Variants in SLC16A2 observed in about 807,000 individuals in gnomAD.
SLC16A2 encodes the protein solute carrier family 16 member 2.
In SLC16A2, 3 loss-of-function variants were observed where a neutral mutation model predicts 27.2. The observed-to-expected ratio is 0.11, with a 90% confidence interval of 0.05 to 0.28. The LOEUF (loss-of-function observed/expected upper bound fraction) is 0.28, where lower values mean the gene tolerates loss of function less well. SLC16A2 is among the 10% of genes least tolerant of loss of function. SLC16A2 has a pLI of 1.00. For missense variants in SLC16A2, 295 were observed against 458.5 expected, an observed-to-expected ratio of 0.64 and a Z score of 3.26; for synonymous variants, 202 against 187.8, an observed-to-expected ratio of 1.08 and a Z score of -0.62.
chrX:74,459,936 T>C lies in SLC16A2; in HGVS notation c.430+37869T>C, dbSNP rs1234898515. On this transcript the variant is annotated intron_variant, in intron 1 of 5. Transcript: ENST00000587091. ...CCATAACAGAACAAGTACTGGGATG[T>C]CAGGGCCGTGGAAGGAAAGAGCCAA... Among the ~76,000 whole-genome samples, 4 of 111,481 alleles carry C rather than the reference T, an allele frequency of 3.6e-5. No individual in the cohort carries two copies. The East Asian group carries it at 1.1e-3, about 32-fold the overall frequency.
chrX:74,489,549 A>T (rs1170457253), intron 1 of SLC16A2, among the ~76,000 whole-genome samples: 2 of 112,207 alleles, frequency 1.8e-5, no homozygotes, highest in African/African-American at 6.5e-5. Context: ...GAACTTCAAA[A>T]AGCATTTGAC....
chrX:74,444,949 C>A (rs1286489313), intron 1 of SLC16A2, among the ~76,000 whole-genome samples: 1 of 112,010 alleles, frequency 8.9e-6, no homozygotes, highest in African/African-American at 3.2e-5. Flanking sequence ...TTTCCTCTTC[C>A]ATGGACAAAT....
intron 2 of SLC16A2, among the ~76,000 whole-genome samples, chrX:74,523,363 G>C (rs1046662859): frequency 4.4e-5 from 5 of 112,659 alleles, no homozygotes; most frequent in African/African-American, 1.6e-4. Context: ...TATCTCCAGA[G>C]AAGAACTGCC....
rs764860359 is a variant in SLC16A2, at chrX:74,422,150, G to A, written c.430+83G>A. 47 of 979,597 alleles carry A rather than the reference G, an allele frequency of 4.8e-5. No individual in the cohort carries two copies. The African/African-American group carries it at 7.9e-4, about 17-fold the overall frequency. 80.7% of individuals were successfully genotyped at this position (979,597 alleles called of 1,213,427 possible). ...CCACCGACCCCATACCTCCCGGTCC[G>A]AGGCGCCCCTCCAACGCGCCTCTCC... is the stretch of plus-strand genomic sequence containing the variant. On this transcript the variant is annotated intron_variant, in intron 1 of 5. Transcript: ENST00000587091.
chrX:74,493,776 GTGCGTGC>G (rs1225267719), intron 1 of SLC16A2, among the ~76,000 whole-genome samples: 4 of 111,471 alleles, frequency 3.6e-5, no homozygotes, highest in Non-Finnish European at 7.5e-5. Context: ...GGAGGTGCAG[GTGCGTGC>G]ATTCCCTCTC....
At chrX:74,441,932 G>C (rs765449531) in intron 1 of SLC16A2, among the ~76,000 whole-genome samples, 2 of 110,894 alleles carry the variant, frequency 1.8e-5, no homozygotes, top group Non-Finnish European at 3.8e-5. Flanking sequence ...ACTGGCTGTT[G>C]AAATGGGAAT....
At chrX:74,422,265 C>T (rs1158194808) in intron 1 of SLC16A2, among the ~76,000 whole-genome samples, 198 bp downstream of exon 1, 1 of 111,905 alleles carries the variant, frequency 8.9e-6, no homozygotes, top group Admixed American at 9.4e-5. Context: ...GCAGCTTGGA[C>T]TGGGGAGACT....
At chrX:74,531,312 T>G (rs763531157) in intron 5 of SLC16A2, 21 bp from the exon 6 acceptor site, 1 of 1,192,403 alleles carries the variant, frequency 8.4e-7, no homozygotes, top group Non-Finnish European at 1.1e-6. Flanking sequence ...GAGCTTGACT[T>G]GTCTCTCTTG....
intron 1 of SLC16A2, among the ~76,000 whole-genome samples, chrX:74,479,963 C>T (rs1474670849): frequency 8.9e-6 from 1 of 112,236 alleles, no homozygotes; most frequent in Non-Finnish European, 1.9e-5. Context: ...TCTGTCCATT[C>T]TCAGATCTCA....
chrX:74,470,800 T>A (rs1929341381), intron 1 of SLC16A2, among the ~76,000 whole-genome samples: 1 of 110,329 alleles, frequency 9.1e-6, no homozygotes, highest in South Asian at 3.9e-4. Flanking sequence ...TAGCCGGGTG[T>A]GGTGGCGGCT....
intron 1 of SLC16A2, among the ~76,000 whole-genome samples, chrX:74,518,687 T>C (rs1930356953): frequency 8.9e-6 from 1 of 112,368 alleles, no homozygotes; most frequent in South Asian, 3.7e-4. Context: ...ATTAGTGATG[T>C]TGAGCATCTT....
intron 1 of SLC16A2, among the ~76,000 whole-genome samples, chrX:74,498,590 A>T (rs1371651751): frequency 9.0e-6 from 1 of 111,709 alleles, no homozygotes; most frequent in Admixed American, 9.5e-5. Context: ...TGCATGGCTG[A>T]CCTTGTGTTA....
chrX:74,457,846 G>A (rs1471311530), intron 1 of SLC16A2, among the ~76,000 whole-genome samples: 1 of 111,360 alleles, frequency 9.0e-6, no homozygotes, highest in Non-Finnish European at 1.9e-5. Context: ...AGAGAGAAGG[G>A]AGGCACTGGG....
chrX:74,428,566 CCCAACTCCTG>C (rs1372237808), intron 1 of SLC16A2, among the ~76,000 whole-genome samples: 1 of 110,959 alleles, frequency 9.0e-6, no homozygotes, highest in Non-Finnish European at 1.9e-5. Context: ...GTTGTATAGG[CCCAACTCCTG>C]CCAGAGTCAC....
intron 1 of SLC16A2, among the ~76,000 whole-genome samples, chrX:74,507,466 A>G (rs1930156107): frequency 8.9e-6 from 1 of 112,052 alleles, no homozygotes; most frequent in Admixed American, 9.5e-5. Context: ...CAGTTTGCAG[A>G]TTTCTCAAAG....
chrX:74,448,467 T>A (rs1928879555), intron 1 of SLC16A2, among the ~76,000 whole-genome samples: 1 of 110,279 alleles, frequency 9.1e-6, no homozygotes, highest in Non-Finnish European at 1.9e-5. Context: ...TCTCACCCTT[T>A]CTGATCAATT....
In SLC16A2 at chrX:74,462,434, C is replaced by T. The variant is rs56715060; in HGVS notation, c.430+40367C>T. 2.0e-3 allele frequency among the ~76,000 whole-genome samples: 225 copies of T among 111,905 alleles called. 2 individuals carry two copies. The East Asian group carries it at 0.047, about 23-fold the overall frequency. ...TCCTGGATTCAAATGATTCTCCTGC[C>T]TCAGCCTCCCGAGTAGCTGGGATTA... On this transcript the variant is annotated intron_variant, in intron 1 of 5. Coordinates refer to ENST00000587091, the MANE Select transcript of SLC16A2 (RefSeq NM_006517.5).
Position 74,497,542 on chromosome X carries a change from C to T in SLC16A2, c.431-23448C>T, listed in dbSNP as rs1339359879. 6.4e-5 allele frequency among the ~76,000 whole-genome samples: 7 copies of T among 108,688 alleles called. 1 individual carries two copies. Among genetic ancestry groups the T allele is most frequent in the Non-Finnish European group, 1.1e-4 (6 of 52,596 alleles). 94.4% of individuals were successfully genotyped at this position (108,688 alleles called of 115,157 possible). ...GTTTTGGGGTCGGTACCCCAAAGCT[C>T]ATGGTTAAAGCTTCAGTGGTTTTTC... On this transcript the variant is annotated intron_variant, in intron 1 of 5. Coordinates refer to ENST00000587091, the MANE Select transcript of SLC16A2 (RefSeq NM_006517.5).
intron 5 of SLC16A2, among the ~76,000 whole-genome samples, chrX:74,529,937 T>C (rs1930541231): frequency 9.2e-6 from 1 of 108,912 alleles, no homozygotes; most frequent in Non-Finnish European, 1.9e-5. Flanking sequence ...ATTAAGCCAG[T>C]GAGGCTCACC....
Sources: allele counts gnomAD v4.1 joint callset (sites outside exome capture counted in the v4.1 genomes callset), GRCh38; gene constraint gnomAD v4.1.1; transcripts MANE v1.5; gene names NCBI Gene and HGNC (gene_info 2026-07-23, HGNC 2026-07-21).